ANKHD1: variants seen among roughly 807,000 people sequenced by gnomAD.
ANKHD1 encodes the protein ankyrin repeat and KH domain-containing protein 1.
In ANKHD1, 31 loss-of-function variants were observed where a neutral mutation model predicts 230.5. The ratio of observed to expected loss-of-function variants is 0.13; its 90% CI spans 0.10 to 0.18. ANKHD1 has a LOEUF of 0.18. ANKHD1 is among the 10% of genes least tolerant of loss of function. The pLI is 1.00. For synonymous variants in ANKHD1, 1,074 were observed against 1,117.6 expected, an observed-to-expected ratio of 0.96 and a Z score of 0.78; for missense variants, 2,256 against 3,071.3, an observed-to-expected ratio of 0.73 and a Z score of 6.27.
At chr5:140,518,743 C>A (rs1400790161) in intron 24 of ANKHD1, among the ~76,000 whole-genome samples, 1 of 152,174 alleles carries the variant, frequency 6.6e-6, no homozygotes, top group Admixed American at 6.5e-5. Context: ...AACAACCCTT[C>A]ATGCTAAAAA....
chr5:140,519,055 A>G (rs1482604680), intron 24 of ANKHD1, among the ~76,000 whole-genome samples: 2 of 152,216 alleles, frequency 1.3e-5, no homozygotes, highest in Non-Finnish European at 2.9e-5. Flanking sequence ...TCAGCCCAAA[A>G]TCTCCTTAAG....
chr5:140,523,497 G>A (rs1219518271), intron 24 of ANKHD1, among the ~76,000 whole-genome samples: 1 of 150,808 alleles, frequency 6.6e-6, no homozygotes, highest in Non-Finnish European at 1.5e-5. Flanking sequence ...ATATATTATA[G>A]ATACAAGTCC....
chr5:140,451,456 TAAGTATAATAA>T (rs1259265971), intron 7 of ANKHD1, among the ~76,000 whole-genome samples: 1 of 152,202 alleles, frequency 6.6e-6, no homozygotes. Context: ...GCTAGTCAGT[TAAGTATAATAA>T]AAGTCTTGAT....
intron 14 of ANKHD1, among the ~76,000 whole-genome samples, chr5:140,489,295 C>T (rs1171756811): frequency 6.6e-6 from 1 of 151,996 alleles, no homozygotes; most frequent in Admixed American, 6.6e-5. Flanking sequence ...ATCGATCAGC[C>T]TGCCCAGCAT....
At chr5:140,532,117 GAATCACTTGA>G (rs1261161169) in intron 29 of ANKHD1, among the ~76,000 whole-genome samples, 2 of 151,502 alleles carry the variant, frequency 1.3e-5, no homozygotes, top group Non-Finnish European at 2.9e-5. Flanking sequence ...CGAGGCAGGG[GAATCACTTGA>G]ACACAGGAGG....
At chr5:140,434,627 TTTTA>T (rs1356665882) in intron 1 of ANKHD1, among the ~76,000 whole-genome samples, 2 of 151,930 alleles carry the variant, frequency 1.3e-5, no homozygotes, top group East Asian at 3.8e-4. Flanking sequence ...ATCTTGTGTA[TTTTA>T]TTTAATTTTA....
chr5:140,430,392 G>T (rs1268865282), intron 1 of ANKHD1, among the ~76,000 whole-genome samples: 1 of 152,190 alleles, frequency 6.6e-6, no homozygotes, highest in Non-Finnish European at 1.5e-5. Context: ...ACTGAATAGA[G>T]ATGAGCTATG....
rs555263263 is a variant in ANKHD1 at position 140,535,524 on chromosome 5, G to C, written c.7013G>C (p.Ser2338Thr). Residue 2338 changes from serine to threonine, a missense_variant, in exon 30 of 34, where the codon AGC becomes ACC. This residue lies in a region of ANKHD1 where 778 missense variants were observed against 966.5 expected (regional missense o/e 0.80). Coordinates refer to ENST00000360839, the MANE Select transcript of ANKHD1 (RefSeq NM_017747.3). The stretch of plus-strand genomic sequence containing the variant: ...CATTTTTCTCCCCATCCTTGGACAA[G>C]CGCCTCAAACTCATGTAGGAATCCT... Reference protein sequence around the residue: ...RQHFSPHPWTSASNSSTSAPP... With the variant: ...RQHFSPHPWTTASNSSTSAPP... 19 of 1,606,878 alleles carry C rather than the reference G, an allele frequency of 1.2e-5. No homozygotes were observed. The East Asian group carries it at 4.2e-4, about 36-fold the overall frequency.
At position 140,482,575 on chromosome 5, in the gene ANKHD1, A is replaced by G. The variant is rs773116560; in HGVS notation, c.1783-5A>G. 1.9e-6 allele frequency: 3 copies of G among 1,611,660 alleles called. No individual in the cohort carries two copies. In the South Asian group the frequency reaches 3.3e-5, roughly 18 times the overall value. ...GATGGATTATTTTTTCCATTTCTTT[A>G]ACAGGAACATGAATCTGAAGGTGGA... On this transcript the variant is annotated splice_polypyrimidine_tract_variant and splice_region_variant and intron_variant, in intron 10 of 33. Transcript: ENST00000360839.
intron 14 of ANKHD1, among the ~76,000 whole-genome samples, chr5:140,488,559 C>T (rs1751612311): frequency 6.7e-6 from 1 of 149,818 alleles, no homozygotes; most frequent in South Asian, 2.1e-4. Flanking sequence ...GCATTCCAGC[C>T]TGGGCGACAA....
At chr5:140,535,937 A>G (rs1356515019) in intron 30 of ANKHD1, 1 of 151,854 alleles carries the variant, frequency 6.6e-6, no homozygotes, top group Non-Finnish European at 1.5e-5. Context: ...GTTTTACAAA[A>G]GGACCCTTTG....
chr5:140,466,106 A>G (rs1341915327), intron 10 of ANKHD1, among the ~76,000 whole-genome samples: 1 of 152,158 alleles, frequency 6.6e-6, no homozygotes, highest in Non-Finnish European at 1.5e-5. Flanking sequence ...AAAAAATTGA[A>G]TAGGGCTGGG....
intron 1 of ANKHD1, among the ~76,000 whole-genome samples, chr5:140,435,837 A>G (rs1446218414): frequency 1.3e-5 from 2 of 152,056 alleles, no homozygotes; most frequent in Non-Finnish European, 1.5e-5. Context: ...GACTGGCCTT[A>G]ATATTGCTTT....
chr5:140,488,614 T>A (rs1032959414), intron 14 of ANKHD1, among the ~76,000 whole-genome samples: 2 of 145,704 alleles, frequency 1.4e-5, no homozygotes, highest in African/African-American at 5.1e-5. Context: ...TAAAAAAAAA[T>A]ATAGGCCACG....
intron 10 of ANKHD1, among the ~76,000 whole-genome samples, chr5:140,476,698 T>C (rs1428223372): frequency 1.3e-5 from 2 of 152,132 alleles, no homozygotes; most frequent in Non-Finnish European, 2.9e-5. Context: ...CTAAAAGATA[T>C]ATACATCAGT....
At chr5:140,440,827 C>T (rs975681255) in intron 4 of ANKHD1, among the ~76,000 whole-genome samples, 168 bp from the exon 5 acceptor site, 1 of 152,048 alleles carries the variant, frequency 6.6e-6, no homozygotes, top group Non-Finnish European at 1.5e-5. Flanking sequence ...AAATATGTAA[C>T]CTGGCATGTT....
chr5:140,413,093 C>A (rs960559075), intron 1 of ANKHD1, among the ~76,000 whole-genome samples: 1 of 152,142 alleles, frequency 6.6e-6, no homozygotes, highest in Non-Finnish European at 1.5e-5. Flanking sequence ...GCAAGTATAT[C>A]CCTAGAGGTT....
At chr5:140,404,518 C>T (rs1337816890) in intron 1 of ANKHD1, among the ~76,000 whole-genome samples, 4 of 151,764 alleles carry the variant, frequency 2.6e-5, no homozygotes, top group African/African-American at 9.7e-5. Flanking sequence ...CTGCAACCCC[C>T]GTCTCCCAGG....
chr5:140,473,774 T>C (rs1750808121), intron 10 of ANKHD1, among the ~76,000 whole-genome samples: 1 of 152,196 alleles, frequency 6.6e-6, no homozygotes, highest in Non-Finnish European at 1.5e-5. Flanking sequence ...TAAAGCTGAG[T>C]GTTATTTCAG....
Sources: gnomAD v4.1 joint callset for allele counts (sites outside exome capture counted in the v4.1 genomes callset) on GRCh38, gnomAD v4.1.1 for gene constraint, gnomAD v4.1.1 regional missense constraint, MANE v1.5 for transcripts, NCBI Gene and HGNC (gene_info 2026-07-23, HGNC 2026-07-21) for gene names.